The following BAZ2A variants were observed in gnomAD, a reference collection of about 807,000 sequenced individuals.
BAZ2A encodes bromodomain adjacent to zinc finger domain protein 2A.
In BAZ2A, 34 loss-of-function variants were observed where a neutral mutation model predicts 199.9. The ratio of observed to expected loss-of-function variants is 0.17; its 90% CI spans 0.13 to 0.23. The LOEUF is 0.23. Ranked by LOEUF, BAZ2A falls within the 10% of genes least tolerant of loss-of-function variation. BAZ2A has a pLI of 1.00. For missense variants in BAZ2A, 2,002 were observed against 2,391.1 expected, an observed-to-expected ratio of 0.84 and a Z score of 3.39; for synonymous variants, 857 against 883.9, an observed-to-expected ratio of 0.97 and a Z score of 0.54.
At chr12:56,606,856 CTTTTT>C in intron 10 of BAZ2A, 123 bp from the exon 11 acceptor site, 1 of 603,988 alleles carries the variant, frequency 1.7e-6, no homozygotes, top group South Asian at 2.1e-5. Flanking sequence ...TCTAGAGTAG[CTTTTT>C]TTTTTTTTAA....
In BAZ2A at chr12:56,600,036, G is replaced by A. The variant is rs770224694; in HGVS notation, c.4953C>T (p.Ser1651=). 1.1e-5 allele frequency: 18 copies of A among 1,613,920 alleles called. No homozygotes were observed. Among genetic ancestry groups the A allele is most frequent in the African/African-American group, 2.7e-5 (2 of 74,926 alleles). The change falls in exon 25 of 29, where the codon AGC becomes AGT. Residue 1651 remains serine, a synonymous_variant. Coordinates refer to ENST00000549884, the MANE Select transcript of BAZ2A (RefSeq NM_001300905.2). ...CCAGGCACAAGCACACCTGGGCTGC[G>A]CTCCGGCACCGCTCGAGGGTCTGGC... ...VWRQTLERCR[S]AAQVCLCLGQ... is the part of the protein sequence containing the mutation.
chr12:56,603,985 C>T (rs1237934743), intron 16 of BAZ2A, among the ~76,000 whole-genome samples: 1 of 152,110 alleles, frequency 6.6e-6, no homozygotes, highest in Non-Finnish European at 1.5e-5. Context: ...CGCATTCCAG[C>T]CTAGGCGACA....
chr12:56,615,210 G>T lies in BAZ2A; in HGVS notation c.534C>A (p.Pro178=). 2 of 1,613,730 alleles carry T rather than the reference G, an allele frequency of 1.2e-6. No individual in the cohort carries two copies. The highest frequency in any genetic ancestry group is 3.3e-5 in the Admixed American group (2 of 59,976). Residue 178 remains proline, a synonymous_variant, in exon 3 of 29, where the codon CCC becomes CCA. Transcript: ENST00000549884. Reference sequence around the variant, plus strand: ...AGGTGAAAAAACTAGGGGGTCCATTGGGCATCACCTCAAAATTCTGGTCAG... The same window carrying T: ...AGGTGAAAAAACTAGGGGGTCCATTTGGCATCACCTCAAAATTCTGGTCAG... ...SFPDQNFEVM[P]NGPPSFFTSP...
rs891825237 is a variant in BAZ2A at position 56,612,023 on chromosome 12, G to C, written c.1359C>G (p.Pro453=). The C allele has an allele frequency of 1.2e-6, 2 of 1,613,504 alleles. No homozygotes were observed. Among genetic ancestry groups the C allele is most frequent in the Admixed American group, 3.3e-5 (2 of 59,988 alleles). ...CTGGAGAGACAACTGTAGAAGCTGC[G>C]GGACAAACTTCTGGAGAGATTTCTG... ...ASPEISPEVC[P]AASTVVSPAV... Residue 453 remains proline, a synonymous_variant, in exon 6 of 29, where the codon CCC becomes CCG. Coordinates refer to ENST00000549884, the MANE Select transcript of BAZ2A (RefSeq NM_001300905.2).
chr12:56,617,831 C>T (rs544970994), intron 1 of BAZ2A, among the ~76,000 whole-genome samples: 1 of 152,314 alleles, frequency 6.6e-6, no homozygotes, highest in Non-Finnish European at 1.5e-5. Flanking sequence ...GTAAGCCCCA[C>T]TCAGCCCAGG....
chr12:56,611,722 A>G, intron 6 of BAZ2A, 51 bp downstream of exon 6: 1 of 1,523,564 alleles, frequency 6.6e-7, no homozygotes, highest in East Asian at 2.3e-5. Flanking sequence ...AACATGGGAC[A>G]GAAAAGTTTC....
rs1009267233 is a variant in BAZ2A, at chr12:56,599,010, T to C, written c.5404A>G (p.Ile1802Val). ...NHHSDLTFCE[I>V]ILMEMESHDA... is the part of the protein sequence containing the mutation. ...TGGGACTCCATCTCCATCAGGATAA[T>C]CCTATCATTAGAGGGACAATGATGG... Residue 1802 changes from isoleucine to valine, a missense_variant and splice_region_variant, in exon 28 of 29, where the codon ATT becomes GTT. Around this residue, in one of 6 missense-constraint regions of BAZ2A, gnomAD observed 122 missense variants for 123.0 expected, o/e 0.99. Transcript: ENST00000549884. The C allele has an allele frequency of 6.2e-7, 1 of 1,611,008 alleles. No individual in the cohort carries two copies. Among genetic ancestry groups the C allele is most frequent in the Non-Finnish European group, 8.5e-7 (1 of 1,178,766 alleles).
chr12:56,605,660 G>A lies in BAZ2A; in HGVS notation c.2493+170C>T, dbSNP rs574643952. The A allele has an allele frequency of 6.9e-5, 52 of 757,714 alleles. No individual in the cohort carries two copies. In the South Asian group the frequency reaches 7.2e-4, roughly 11 times the overall value. The allele number at this position is 757,714 out of a possible 1,614,324, so 46.9% of individuals were successfully genotyped here. The stretch of plus-strand genomic sequence containing the variant: ...TGGTCTTGAACTGCTGGGCTCAAGC[G>A]ATCTGCCCGCCTCGGCCTCCCAAAG... On this transcript the variant is annotated intron_variant, in intron 13 of 28. Transcript: ENST00000549884.
intron 19 of BAZ2A, 58 bp downstream of exon 19, chr12:56,602,655 A>G: frequency 6.3e-7 from 1 of 1,575,976 alleles, no homozygotes; most frequent in Non-Finnish European, 8.7e-7. Context: ...AAGGAAAAGG[A>G]ATTATTTAAT....
In BAZ2A at chr12:56,604,615, T is replaced by C; in HGVS notation, c.2933A>G (p.His978Arg). Residue 978 changes from histidine (H) to arginine (R), a missense_variant, in exon 15 of 29, where the codon CAT becomes CGT. This residue lies in a region of BAZ2A where 1,081 missense variants were observed against 1,274.7 expected (regional missense o/e 0.85). Coordinates refer to ENST00000549884, the MANE Select transcript of BAZ2A (RefSeq NM_001300905.2). ...QKAAVLAFLV[H>R]ELNGSTLIIN... ...GATGAGGGTGGAGCCATTGAGCTCATGCACAAGGAAGGCCAGGACAGCAGC... is the reference window on the plus strand; with the variant it reads ...GATGAGGGTGGAGCCATTGAGCTCACGCACAAGGAAGGCCAGGACAGCAGC... 2 of 1,600,328 alleles carry C rather than the reference T, an allele frequency of 1.2e-6. No homozygotes were observed. Among genetic ancestry groups the C allele is most frequent in the Non-Finnish European group, 1.7e-6 (2 of 1,173,432 alleles).
At chr12:56,607,593 G>A (rs1034033947) in intron 10 of BAZ2A, among the ~76,000 whole-genome samples, 1 of 152,162 alleles carries the variant, frequency 6.6e-6, no homozygotes, top group Non-Finnish European at 1.5e-5. Context: ...TGACGGTCTT[G>A]ATTGCCTGAC....
Position 56,605,810 on chromosome 12 carries a change from T to C in BAZ2A, c.2493+20A>G. The stretch of plus-strand genomic sequence containing the variant: ...AAGTCTTCCCAGCTGACCCAGGAAC[T>C]GTTACTCTCTCCTCACTACCTGGTG... On this transcript the variant is annotated intron_variant, in intron 13 of 28. Coordinates refer to ENST00000549884, the MANE Select transcript of BAZ2A (RefSeq NM_001300905.2). The C allele has an allele frequency of 6.3e-7, 1 of 1,598,652 alleles. No homozygotes were observed. Among genetic ancestry groups the C allele is most frequent in the South Asian group, 1.1e-5 (1 of 88,008 alleles).
chr12:56,625,652 C>T (rs985824512), intron 1 of BAZ2A, among the ~76,000 whole-genome samples: 7 of 151,804 alleles, frequency 4.6e-5, no homozygotes, highest in African/African-American at 1.4e-4. Context: ...CCGAGACGGG[C>T]GGATCATGAG....
intron 1 of BAZ2A, among the ~76,000 whole-genome samples, chr12:56,627,034 T>TC (rs1330840251): frequency 6.6e-6 from 1 of 152,218 alleles, no homozygotes; most frequent in Non-Finnish European, 1.5e-5. Context: ...GATGCCACTT[T>TC]CACACAATCA....
Position 56,602,031 on chromosome 12 carries a change from C to T in BAZ2A, c.3586G>A (p.Gly1196Arg), listed in dbSNP as rs1380395689. The T allele has an allele frequency of 5.1e-6, 8 of 1,554,774 alleles. No homozygotes were observed. The highest frequency in any genetic ancestry group is 7.0e-6 in the Non-Finnish European group (8 of 1,148,566). ...ARGRPRKTKP[G>R]SMQPRHLKSP... Reference sequence around the variant, plus strand: ...TTAAGATGCCTAGGTTGCATAGACCCGGGCTTAGTTTTTCGAGGTCGGCCT... The same window carrying T: ...TTAAGATGCCTAGGTTGCATAGACCTGGGCTTAGTTTTTCGAGGTCGGCCT... Residue 1196 changes from glycine (G) to arginine (R), a missense_variant, in exon 20 of 29, where the codon GGG (glycine) becomes AGG (arginine). By Grantham distance (125) the Gly-to-Arg change is moderately radical. Around this residue, in one of 6 missense-constraint regions of BAZ2A, gnomAD observed 1,081 missense variants for 1,274.7 expected, o/e 0.85. Coordinates refer to ENST00000549884, the MANE Select transcript of BAZ2A (RefSeq NM_001300905.2).
intron 1 of BAZ2A, among the ~76,000 whole-genome samples, chr12:56,621,869 T>C (rs1950929693): frequency 6.6e-6 from 1 of 152,024 alleles, no homozygotes; most frequent in Non-Finnish European, 1.5e-5. Context: ...TTAAATTTTT[T>C]TGTAGACACA....
At position 56,602,115 on chromosome 12, in the gene BAZ2A, A is replaced by C. The variant is rs1377711143; in HGVS notation, c.3502T>G (p.Ser1168Ala). ...AHASLNPALF[S>A]MKMELAGSNT... The stretch of plus-strand genomic sequence containing the variant: ...GAGCCAGCTAACTCCATCTTCATAG[A>C]GAAGAGGGCAGGGTTGAGTGACGCA... The change falls in exon 20 of 29, where the codon TCT (serine) becomes GCT (alanine). Residue 1168 changes from serine to alanine, a missense_variant. Transcript: ENST00000549884. The C allele has an allele frequency of 6.3e-7, 1 of 1,591,834 alleles. No individual in the cohort carries two copies. Among genetic ancestry groups the C allele is most frequent in the African/African-American group, 1.3e-5 (1 of 74,696 alleles).
At chr12:56,602,314 C>G in intron 19 of BAZ2A, 122 bp from the exon 20 acceptor site, 1 of 875,592 alleles carries the variant, frequency 1.1e-6, no homozygotes, top group Admixed American at 2.9e-5. Context: ...TTTTGAGATT[C>G]CACTGGGAAG....
chr12:56,627,840 A>AG (rs1951153921), intron 1 of BAZ2A, among the ~76,000 whole-genome samples: 1 of 148,430 alleles, frequency 6.7e-6, no homozygotes, highest in Non-Finnish European at 1.5e-5. Flanking sequence ...AAAAAAAAAA[A>AG]GAAAGAAAGA....
Sources: allele counts gnomAD v4.1 joint callset (sites outside exome capture counted in the v4.1 genomes callset), GRCh38; gene constraint gnomAD v4.1.1; regional missense constraint gnomAD v4.1.1; transcripts MANE v1.5; gene names NCBI Gene and HGNC (gene_info 2026-07-23, HGNC 2026-07-21).